WDR64: variants seen among roughly 807,000 people sequenced by gnomAD.
The protein encoded by WDR64 is WD repeat-containing protein 64.
WDR64 carries 112 observed loss-of-function variants against 139.3 expected under a neutral mutation model. The observed-to-expected ratio is 0.80, with a 90% CI of 0.69 to 0.94. WDR64 has a LOEUF of 0.94. Ranked by LOEUF, WDR64 falls within the 40% of genes least tolerant of loss-of-function variation. The pLI is 0.00. For missense variants in WDR64, 1,206 were observed against 1,293.1 expected (o/e 0.93, Z 1.03); for synonymous variants, 444 against 437.7 (o/e 1.01, Z -0.18).
Position 241,757,165 on chromosome 1 carries a change from G to T in WDR64, c.1771-118G>T. On this transcript the variant is annotated intron_variant, in intron 14 of 27. Transcript: ENST00000437684. ...TAAGCAAGGAATAGATGGGGCTGAA[G>T]ATTTGGTAAAGCTAGATGGTAGATA... 5.5e-6 allele frequency: 5 copies of T among 914,020 alleles called. 1 individual carries two copies. In the South Asian group the frequency reaches 1.2e-4, roughly 21 times the overall value. 56.6% of individuals were successfully genotyped at this position (914,020 alleles called of 1,614,324 possible).
At position 241,741,637 on chromosome 1, in the gene WDR64, C is replaced by A; in HGVS notation, c.1443C>A (p.Leu481=). 1 of 1,612,110 alleles carries A rather than the reference C, an allele frequency of 6.2e-7. No homozygotes were observed. Among genetic ancestry groups the A allele is most frequent in the South Asian group, 1.1e-5 (1 of 90,768 alleles). The stretch of plus-strand genomic sequence containing the variant: ...ACAACAAATATTTTCATCAAGTACT[C>A]ACTATCTGCTCTGAATCCATAATTA... ...MLYNKYFHQV[L]TICSESIIRV... The change falls in exon 12 of 28, where the codon CTC becomes CTA. Residue 481 remains leucine (L), a synonymous_variant. Transcript: ENST00000437684.
At chr1:241,780,778 T>A (rs1026939887) in intron 22 of WDR64, among the ~76,000 whole-genome samples, 1 of 152,184 alleles carries the variant, frequency 6.6e-6, no homozygotes, top group Non-Finnish European at 1.5e-5. Flanking sequence ...TATTCAACTT[T>A]AGTTTGACTA....
intron 1 of WDR64, among the ~76,000 whole-genome samples, chr1:241,653,922 C>T (rs1314381193): frequency 1.3e-5 from 2 of 152,180 alleles, no homozygotes; most frequent in Admixed American, 6.5e-5. Flanking sequence ...GGGAACTTGA[C>T]TGGGCCTTCT....
At chr1:241,664,421 T>C (rs1480844821) in intron 2 of WDR64, among the ~76,000 whole-genome samples, 3 of 152,242 alleles carry the variant, frequency 2.0e-5, no homozygotes, top group Admixed American at 6.5e-5. Flanking sequence ...TAGAAAAGTC[T>C]GTTCATATTT....
Position 241,788,037 on chromosome 1 carries a change from A to G in WDR64, c.2891+3A>G, listed in dbSNP as rs1268321601. ...CCTCTGATATTTGACCGGGAAAAGT[A>G]AGACCATTAGCTCTTCTTTAGATAA... is the stretch of plus-strand genomic sequence containing the variant. On this transcript the variant is annotated splice_donor_region_variant and intron_variant, in intron 24 of 27. Coordinates refer to ENST00000437684, the MANE Select transcript of WDR64 (RefSeq NM_001367482.1). 3 of 1,581,534 alleles carry G rather than the reference A, an allele frequency of 1.9e-6. No homozygotes were observed. The African/African-American group carries it at 4.1e-5, about 22-fold the overall frequency.
chr1:241,771,956 A>G (rs1234315869), intron 19 of WDR64, among the ~76,000 whole-genome samples: 6 of 80,586 alleles, frequency 7.4e-5, no homozygotes, highest in African/African-American at 3.7e-4. Flanking sequence ...ATATATATAT[A>G]TATATATATA....
chr1:241,712,132 C>T (rs912481369), intron 9 of WDR64, among the ~76,000 whole-genome samples: 4 of 152,074 alleles, frequency 2.6e-5, no homozygotes, highest in African/African-American at 9.7e-5. Context: ...TTCTGTTTTA[C>T]CTTTAGAGCT....
intron 15 of WDR64, 44 bp from the exon 16 acceptor site, chr1:241,766,174 C>A: frequency 6.3e-7 from 1 of 1,591,490 alleles, no homozygotes; most frequent in Non-Finnish European, 8.6e-7. Context: ...CACCGCGAAT[C>A]ATGAATACTA....
chr1:241,676,516 T>C (rs1666559086), intron 4 of WDR64: 1 of 152,196 alleles, frequency 6.6e-6, no homozygotes, highest in Admixed American at 6.5e-5. Context: ...AGAACTAAGA[T>C]GGTATCTAGA....
At chr1:241,788,104 T>C in intron 24 of WDR64, 70 bp downstream of exon 24, 3 of 1,365,814 alleles carry the variant, frequency 2.2e-6, no homozygotes, top group Non-Finnish European at 2.9e-6. Flanking sequence ...GGCACTGTCC[T>C]TGAGATGGAG....
At chr1:241,655,343 C>T (rs994529413) in intron 1 of WDR64, among the ~76,000 whole-genome samples, 1 of 152,118 alleles carries the variant, frequency 6.6e-6, no homozygotes, top group Non-Finnish European at 1.5e-5. Context: ...GAGCCAAGAT[C>T]GCACCACTGC....
chr1:241,696,866 T>C (rs1667511908), intron 8 of WDR64, among the ~76,000 whole-genome samples: 1 of 152,252 alleles, frequency 6.6e-6, no homozygotes, highest in Middle Eastern at 3.4e-3. Flanking sequence ...TAAGAATGCC[T>C]AAGCTTCTGT....
chr1:241,675,727 T>TA (rs1666528063), intron 4 of WDR64, among the ~76,000 whole-genome samples: 5 of 152,348 alleles, frequency 3.3e-5, no homozygotes, highest in South Asian at 4.1e-4. Flanking sequence ...TCTCTTTTTT[T>TA]ACATCTGTAG....
chr1:241,700,087 G>A (rs1667652844), intron 8 of WDR64, among the ~76,000 whole-genome samples: 1 of 151,074 alleles, frequency 6.6e-6, no homozygotes, highest in Non-Finnish European at 1.5e-5. Context: ...GGGACAGAGA[G>A]AGAACAGATA....
chr1:241,681,368 GAT>G (rs1475570998), intron 6 of WDR64, among the ~76,000 whole-genome samples: 1 of 152,084 alleles, frequency 6.6e-6, no homozygotes, highest in African/African-American at 2.4e-5. Flanking sequence ...GAGAATATAT[GAT>G]GTTTGGTTTT....
chr1:241,767,822 C>G (rs1241357746), intron 16 of WDR64, among the ~76,000 whole-genome samples: 1 of 152,190 alleles, frequency 6.6e-6, no homozygotes, highest in African/African-American at 2.4e-5. Context: ...GCAGACCCCC[C>G]TTTCTGCACC....
chr1:241,675,243 C>CCCTCCTTCCTT (rs1558466435), intron 4 of WDR64, among the ~76,000 whole-genome samples: 1 of 113,948 alleles, frequency 8.8e-6, no homozygotes, highest in African/African-American at 3.7e-5. Context: ...CCTCCTTCCT[C>CCCTCCTTCCTT]CCTCCTTCCT....
chr1:241,674,961 CCCT>C (rs1666427406), intron 4 of WDR64, among the ~76,000 whole-genome samples: 1 of 24,012 alleles, frequency 4.2e-5, no homozygotes, highest in Non-Finnish European at 1.1e-4. Context: ...CCTCTCTCCT[CCCT>C]TCTTTTTCTT....
rs117522915 is a variant in WDR64 at position 241,780,722 on chromosome 1, T to C, written c.2595+660T>C. ...ATTGTTTCATTTGATTAGTGGAGTTTTCTTTTTGTTTCAGAGAATCTATTC... is the reference window on the plus strand; with the variant it reads ...ATTGTTTCATTTGATTAGTGGAGTTCTCTTTTTGTTTCAGAGAATCTATTC... On this transcript the variant is annotated intron_variant, in intron 22 of 27. Coordinates refer to ENST00000437684, the MANE Select transcript of WDR64 (RefSeq NM_001367482.1). Among the ~76,000 whole-genome samples the C allele has an allele frequency of 3.6e-4, 55 of 152,326 alleles. No homozygotes were observed. The East Asian group carries it at 9.6e-3, about 27-fold the overall frequency.
Sources: allele counts gnomAD v4.1 joint callset (sites outside exome capture counted in the v4.1 genomes callset), GRCh38; gene constraint gnomAD v4.1.1; transcripts MANE v1.5; gene names NCBI Gene and HGNC (gene_info 2026-07-23, HGNC 2026-07-21).